Variants in ZIC4 observed in about 807,000 individuals in gnomAD.
ZIC4 encodes zinc finger protein ZIC 4.
In ZIC4, 15 loss-of-function variants were observed where a neutral mutation model predicts 28.8. The ratio of observed to expected loss-of-function variants is 0.52; its 90% CI spans 0.35 to 0.80. The LOEUF is 0.80. Ranked by LOEUF, ZIC4 falls within the 30% of genes least tolerant of loss-of-function variation. ZIC4 has a pLI of 0.01. For synonymous variants in ZIC4, 220 were observed against 198.1 expected (o/e 1.11, Z -0.93); for missense variants, 512 against 467.1 (o/e 1.10, Z -0.89).
Position 147,396,513 on chromosome 3 carries a change from G to C in ZIC4, c.71-44C>G, listed in dbSNP as rs773142897. 4 of 1,490,774 alleles carry C rather than the reference G, an allele frequency of 2.7e-6. No individual in the cohort carries two copies. Among genetic ancestry groups the C allele is most frequent in the Non-Finnish European group, 3.5e-6 (4 of 1,128,798 alleles). 92.3% of individuals were successfully genotyped at this position (1,490,774 alleles called of 1,614,324 possible). The stretch of plus-strand genomic sequence containing the variant: ...GCGCGCATGAGAACGGGTGGCGTGG[G>C]CTGCGCGCTCTTCCCTGGGCCCCGG... On this transcript the variant is annotated intron_variant, in intron 2 of 4. Transcript: ENST00000383075. This position sits in a 1 kb window ranked among gnomAD's most constrained non-coding sequence, Gnocchi z 4.2.
chr3:147,404,270 T>A lies in ZIC4; in HGVS notation c.-15-1458A>T. ...CAGCCCCAACCCAACTTCTAAGAGGTCTGGATCACTTCTCTCCCAGGTCCT... is the reference window on the plus strand; with the variant it reads ...CAGCCCCAACCCAACTTCTAAGAGGACTGGATCACTTCTCTCCCAGGTCCT... On this transcript the variant is annotated intron_variant, in intron 1 of 4. Transcript: ENST00000383075. 2 of 1,430,256 alleles carry A rather than the reference T, an allele frequency of 1.4e-6. 1 individual carries two copies. The highest frequency in any genetic ancestry group is 3.0e-5 in the South Asian group (2 of 66,058). 88.6% of individuals were successfully genotyped at this position (1,430,256 alleles called of 1,614,324 possible). A position where few individuals can be genotyped will look rare whatever the true frequency, so the allele number is the denominator to read the frequency against.
rs1346016075 is a variant in ZIC4 at position 147,386,871 on chromosome 3, G to A, written c.*1988C>T. The stretch of plus-strand genomic sequence containing the variant: ...TAACGGCAGAAAGGGCTTGTTGATT[G>A]CTGCTAGTGAGAAGAAACACACAAT... On this transcript the variant is annotated 3_prime_UTR_variant, in exon 5 of 5. Transcript: ENST00000383075. 1 of 152,222 alleles carries A rather than the reference G, an allele frequency of 6.6e-6. No individual in the cohort carries two copies. The highest frequency in any genetic ancestry group is 1.5e-5 in the Non-Finnish European group (1 of 68,036). The allele number at this position is 152,222 out of a possible 1,614,324, so 9.4% of individuals were successfully genotyped here. A position where few individuals can be genotyped will look rare whatever the true frequency, so the allele number is the denominator to read the frequency against.
chr3:147,394,015 C>T, intron 3 of ZIC4: 1 of 453,726 alleles, frequency 2.2e-6, no homozygotes, highest in South Asian at 1.6e-5. Context: ...AATGAAACGC[C>T]ATTAATATTT....
intron 3 of ZIC4, among the ~76,000 whole-genome samples, chr3:147,394,415 C>T (rs566503312): frequency 1.4e-4 from 21 of 150,218 alleles, no homozygotes; most frequent in Admixed American, 7.3e-4. Context: ...CCATTTTCTG[C>T]TTCACAGAAT....
intron 4 of ZIC4, chr3:147,389,294 G>T (rs773341838): frequency 1.1e-5 from 2 of 174,298 alleles, no homozygotes; most frequent in African/African-American, 4.8e-5. Flanking sequence ...TGTGGGGGCT[G>T]CGGGCAGGAG....
intron 3 of ZIC4, chr3:147,393,860 A>G (rs1483327838): frequency 2.2e-6 from 1 of 456,464 alleles, no homozygotes; most frequent in Admixed American, 2.3e-5. Flanking sequence ...CCGAGGCACC[A>G]TTGTTCCGGG....
Position 147,386,679 on chromosome 3 carries a change from A to G in ZIC4, c.*2180T>C, listed in dbSNP as rs2086803039. On this transcript the variant is annotated 3_prime_UTR_variant, in exon 5 of 5. Transcript: ENST00000383075. ...GGTGAAAGTTTCTTTGCTGGGCACA[A>G]TATAAAATGAACAACTTCACACGTG... 6.6e-6 allele frequency: 1 copy of G among 152,266 alleles called. No individual in the cohort carries two copies. The highest frequency in any genetic ancestry group is 6.5e-5 in the Admixed American group (1 of 15,284). The allele number at this position is 152,266 out of a possible 1,614,324, so 9.4% of individuals were successfully genotyped here.
intron 1 of ZIC4, chr3:147,403,679 A>G (rs947418472): frequency 4.1e-6 from 1 of 241,950 alleles, no homozygotes; most frequent in African/African-American, 2.2e-5. Context: ...CTAGAAAGAA[A>G]AACAGTCATT....
intron 2 of ZIC4, among the ~76,000 whole-genome samples, chr3:147,400,934 C>A (rs565751463): frequency 3.9e-5 from 6 of 152,176 alleles, no homozygotes; most frequent in Non-Finnish European, 8.8e-5. Flanking sequence ...CTATTCCTAC[C>A]CATGCCTGGA....
intron 3 of ZIC4, 174 bp from the exon 4 acceptor site, chr3:147,391,420 C>T: frequency 1.3e-6 from 1 of 771,880 alleles, no homozygotes; most frequent in Non-Finnish European, 2.0e-6. Flanking sequence ...AGAGAGCGCC[C>T]CCGGTGCCCT....
At chr3:147,404,106 G>C (rs138258364) in intron 1 of ZIC4, 1 of 1,535,470 alleles carries the variant, frequency 6.5e-7, no homozygotes, top group Non-Finnish European at 8.7e-7. Flanking sequence ...CATGCTGGGC[G>C]TCCTCGCTCT....
chr3:147,393,014 C>T (rs2086957969), intron 3 of ZIC4: 1 of 138,412 alleles, frequency 7.2e-6, no homozygotes, highest in Admixed American at 7.2e-5. Flanking sequence ...TCCTTCTTCT[C>T]TTTCAAAAAA....
intron 2 of ZIC4, among the ~76,000 whole-genome samples, chr3:147,401,490 A>AT (rs56171500): frequency 0.1 from 15,984 of 152,294 alleles, 1,067 homozygotes; most frequent in Non-Finnish European, 0.15. Flanking sequence ...AATGTTCTGC[A>AT]CTAAATCAAT....
At chr3:147,402,187 G>A (rs2087178279) in intron 2 of ZIC4, among the ~76,000 whole-genome samples, 1 of 152,190 alleles carries the variant, frequency 6.6e-6, no homozygotes, top group African/African-American at 2.4e-5. Flanking sequence ...AGGTATTCCT[G>A]ACAGAGCAGC....
In ZIC4 at chr3:147,391,011, C is replaced by A; in HGVS notation, c.924G>T (p.Ser308=). ...ACTTGTGGCCGCAGTCCGACGAGGG[C>A]GACACGAGGGCAGACGGTGTAGCCG... ...YDSATPSALV[S]PSSDCGHKSQ... Residue 308 remains serine, a synonymous_variant, in exon 4 of 5, where the codon TCG becomes TCT. Transcript: ENST00000383075. 1 of 1,613,402 alleles carries A rather than the reference C, an allele frequency of 6.2e-7. No individual in the cohort carries two copies. Among genetic ancestry groups the A allele is most frequent in the South Asian group, 1.1e-5 (1 of 91,064 alleles).
At chr3:147,389,916 C>T (rs1276581226) in intron 4 of ZIC4, among the ~76,000 whole-genome samples, 1 of 152,172 alleles carries the variant, frequency 6.6e-6, no homozygotes, top group Non-Finnish European at 1.5e-5. Flanking sequence ...ACGTCATCAG[C>T]TCGCTCTACA....
chr3:147,392,004 C>T (rs2086933581), intron 3 of ZIC4: 25 of 985,438 alleles, frequency 2.5e-5, no homozygotes, highest in Non-Finnish European at 3.0e-5. Flanking sequence ...ATACGCTCGC[C>T]AGTAATAATA....
chr3:147,402,603 T>TC (rs1040553796), intron 2 of ZIC4, 125 bp downstream of exon 2: 21 of 767,370 alleles, frequency 2.7e-5, no homozygotes, highest in Non-Finnish European at 2.8e-5. Context: ...CTCAAGAAAC[T>TC]CCCCCCAAAC....
chr3:147,396,206 C>T lies in ZIC4; in HGVS notation c.334G>A (p.Gly112Ser), dbSNP rs762572302. 12 of 1,613,914 alleles carry T rather than the reference C, an allele frequency of 7.4e-6. No individual in the cohort carries two copies. The highest frequency in any genetic ancestry group is 1.7e-5 in the Admixed American group (1 of 60,000). Residue 112 changes from glycine (G) to serine (S), a missense_variant, in exon 3 of 5, where the codon GGT (glycine) becomes AGT (serine). This residue lies in a region of ZIC4 where 310 missense variants were observed against 256.5 expected (regional missense o/e 1.21). Transcript: ENST00000383075. This position sits in a 1 kb window ranked among gnomAD's most constrained non-coding sequence, Gnocchi z 4.2. ...NLTVNLAAPHGPGAFFRYMRQ... is the reference protein window; with the variant it reads ...NLTVNLAAPHSPGAFFRYMRQ... The stretch of plus-strand genomic sequence containing the variant: ...ATGTAGCGGAAGAAAGCGCCAGGAC[C>T]GTGGGGCGCAGCGAGGTTCACCGTC...
Sources: allele counts gnomAD v4.1 joint callset (sites outside exome capture counted in the v4.1 genomes callset), GRCh38; gene constraint gnomAD v4.1.1; regional missense constraint gnomAD v4.1.1; non-coding constraint Gnocchi (gnomAD v3.1); transcripts MANE v1.5; gene names NCBI Gene and HGNC (gene_info 2026-07-23, HGNC 2026-07-21).